Variants in PACS1 observed in about 807,000 individuals in gnomAD.
PACS1 encodes phosphofurin acidic cluster sorting protein 1, also known as PACS-1.
PACS1 carries 24 observed loss-of-function variants against 115.0 expected under a neutral mutation model. That is an observed-to-expected ratio of 0.21 (90% CI 0.15 to 0.29). The LOEUF (loss-of-function observed/expected upper bound fraction) is 0.29, where lower values mean the gene tolerates loss of function less well. PACS1 is among the 10% of genes least tolerant of loss of function. PACS1 has a pLI of 1.00. For synonymous variants in PACS1, 453 were observed against 504.5 expected (o/e 0.90, Z 1.37); for missense variants, 838 against 1,251.2 (o/e 0.67, Z 4.98).
chr11:66,215,944 T>TAATAAC (rs1173651293), intron 4 of PACS1, among the ~76,000 whole-genome samples, 175 bp from the exon 5 acceptor site: 5 of 142,566 alleles, frequency 3.5e-5, no homozygotes, highest in African/African-American at 1.4e-4. Context: ...ATAATAATAA[T>TAATAAC]AATAATAAAC....
At chr11:66,109,462 C>T (rs1322457141) in intron 1 of PACS1, among the ~76,000 whole-genome samples, 1 of 152,144 alleles carries the variant, frequency 6.6e-6, no homozygotes, top group Non-Finnish European at 1.5e-5. Context: ...GAAGTGTGTG[C>T]ATAGTTTACC....
chr11:66,168,495 A>G lies in PACS1; in HGVS notation c.357-24991A>G, dbSNP rs1055536229. 6.6e-5 allele frequency among the ~76,000 whole-genome samples: 10 copies of G among 150,418 alleles called. 1 individual carries two copies. Among genetic ancestry groups the G allele is most frequent in the African/African-American group, 2.5e-4 (10 of 39,750 alleles). ...CTTCGGAACCAGGCTGCCTGGTTTC[A>G]GTCCTCACTTAGCTGCTTACGGTGT... On this transcript the variant is annotated intron_variant, in intron 1 of 23. Transcript: ENST00000320580.
Position 66,235,843 on chromosome 11 carries a change from G to T in PACS1, c.2208-55G>T. ...TGAGATAGGAAAGGCCAATTCCCCA[G>T]CACTCCTCCCTGTCTCTCCTACTAA... On this transcript the variant is annotated intron_variant, in intron 18 of 23. Transcript: ENST00000320580. The surrounding 1 kb of genome is among the most constrained non-coding windows in gnomAD (Gnocchi z 5.6). 6.8e-7 allele frequency: 1 copy of T among 1,471,472 alleles called. No individual in the cohort carries two copies. Among genetic ancestry groups the T allele is most frequent in the South Asian group, 1.1e-5 (1 of 88,230 alleles). The allele number at this position is 1,471,472 out of a possible 1,614,324, so 91.2% of individuals were successfully genotyped here.
At chr11:66,096,458 A>G (rs1436218692) in intron 1 of PACS1, among the ~76,000 whole-genome samples, 2 of 151,354 alleles carry the variant, frequency 1.3e-5, no homozygotes, top group African/African-American at 4.9e-5. Flanking sequence ...ATGGACATAT[A>G]GGTTCTTTAC....
At chr11:66,241,993 G>A (rs1461509088) in intron 22 of PACS1, among the ~76,000 whole-genome samples, 1 of 152,228 alleles carries the variant, frequency 6.6e-6, no homozygotes, top group African/African-American at 2.4e-5. Flanking sequence ...CTATATCACA[G>A]CTCCAGGTCC....
chr11:66,227,519 C>G lies in PACS1; in HGVS notation c.1309C>G (p.Leu437Val). Residue 437 changes from leucine (L) to valine (V), a missense_variant, in exon 11 of 24, where the codon CTA (leucine) becomes GTA (valine). Transcript: ENST00000320580. The part of the protein sequence containing the change: ...DTTSPMELAA[L>V]EKIKSTWIKN... ...ATTTTTGCAGATGGAATTGGCTGCTCTAGAAAAAATTAAATCTACTTGGAT... is the reference window on the plus strand; with the variant it reads ...ATTTTTGCAGATGGAATTGGCTGCTGTAGAAAAAATTAAATCTACTTGGAT... 6.2e-7 allele frequency: 1 copy of G among 1,605,866 alleles called. No homozygotes were observed. The highest frequency in any genetic ancestry group is 8.5e-7 in the Non-Finnish European group (1 of 1,173,688).
Position 66,236,001 on chromosome 11 carries a change from T to C in PACS1, c.2250+61T>C, listed in dbSNP as rs1466408640. 6.9e-7 allele frequency: 1 copy of C among 1,446,380 alleles called. No homozygotes were observed. The highest frequency in any genetic ancestry group is 9.7e-7 in the Non-Finnish European group (1 of 1,026,938). The allele number at this position is 1,446,380 out of a possible 1,614,324, so 89.6% of individuals were successfully genotyped here. ...GTTCTCCTGGTCTTCCTGTTCCCCC[T>C]TACACAGGAAAACAAAAGATTCATC... On this transcript the variant is annotated intron_variant, in intron 19 of 23. Transcript: ENST00000320580. The surrounding 1 kb of genome is among the most constrained non-coding windows in gnomAD (Gnocchi z 4.2).
intron 1 of PACS1, among the ~76,000 whole-genome samples, chr11:66,086,162 G>T (rs1476340815): frequency 2.7e-5 from 4 of 146,752 alleles, no homozygotes; most frequent in African/African-American, 5.1e-5. Flanking sequence ...TTTTGAGACG[G>T]AGTCTCGCTC....
rs377260681 is a variant in PACS1, at chr11:66,243,159, C to A, written c.2777-6C>A. The A allele has an allele frequency of 6.2e-7, 1 of 1,613,058 alleles. No homozygotes were observed. Among genetic ancestry groups the A allele is most frequent in the South Asian group, 1.1e-5 (1 of 91,010 alleles). ...CTGGTCACCCCTCCTCTCCTGTCAC[C>A]CCTAGTGTCCATCGATGGGGTCGAG... On this transcript the variant is annotated splice_region_variant and splice_polypyrimidine_tract_variant and intron_variant, in intron 23 of 23. Coordinates refer to ENST00000320580, the MANE Select transcript of PACS1 (RefSeq NM_018026.4).
chr11:66,071,150 T>TA (rs1857303281), intron 1 of PACS1, among the ~76,000 whole-genome samples: 1 of 152,096 alleles, frequency 6.6e-6, no homozygotes, highest in Non-Finnish European at 1.5e-5. Context: ...TTTCCCTGAG[T>TA]AAGTCACTCT....
At chr11:66,071,242 C>T (rs1166251534) in intron 1 of PACS1, among the ~76,000 whole-genome samples, 6 of 152,194 alleles carry the variant, frequency 3.9e-5, no homozygotes, top group Non-Finnish European at 8.8e-5. Context: ...ATAGACTCAG[C>T]ATGTGCCAAA....
intron 1 of PACS1, among the ~76,000 whole-genome samples, chr11:66,072,500 A>C (rs1857325941): frequency 6.6e-6 from 1 of 151,976 alleles, no homozygotes; most frequent in Non-Finnish European, 1.5e-5. Flanking sequence ...GTGTTTCCAC[A>C]TCACTTAACA....
At chr11:66,134,095 C>A (rs770552674) in intron 1 of PACS1, among the ~76,000 whole-genome samples, 1 of 151,948 alleles carries the variant, frequency 6.6e-6, no homozygotes, top group Non-Finnish European at 1.5e-5. Context: ...GTTCCAGGTT[C>A]CTCTCTGTGC....
At chr11:66,195,140 G>A (rs936024275) in intron 2 of PACS1, among the ~76,000 whole-genome samples, 3 of 152,270 alleles carry the variant, frequency 2.0e-5, no homozygotes, top group Non-Finnish European at 4.4e-5. Context: ...CTTGAGCCTG[G>A]GAGGGAGAGG....
intron 1 of PACS1, among the ~76,000 whole-genome samples, chr11:66,159,684 T>C (rs116468173): frequency 6.6e-6 from 1 of 152,246 alleles, no homozygotes; most frequent in African/African-American, 2.4e-5. Context: ...AATCCACCCT[T>C]ATGAGACTGA....
chr11:66,224,935 A>G (rs1179289272), intron 10 of PACS1, among the ~76,000 whole-genome samples: 2 of 152,198 alleles, frequency 1.3e-5, no homozygotes, highest in Non-Finnish European at 2.9e-5. Flanking sequence ...GATTCAGTTT[A>G]TCGCTAGAAC....
intron 1 of PACS1, among the ~76,000 whole-genome samples, chr11:66,090,851 T>G (rs543549989): frequency 5.9e-5 from 9 of 152,306 alleles, no homozygotes; most frequent in South Asian, 4.1e-4. Flanking sequence ...ACCCTGACTT[T>G]CCAGCCAATG....
chr11:66,126,654 A>G (rs1352883131), intron 1 of PACS1, among the ~76,000 whole-genome samples: 2 of 129,046 alleles, frequency 1.5e-5, no homozygotes, highest in Non-Finnish European at 3.2e-5. Context: ...AATTTTGAGA[A>G]TTGTTAATTT....
intron 1 of PACS1, among the ~76,000 whole-genome samples, chr11:66,153,779 AAAAC>A (rs773127017): frequency 7.2e-4 from 110 of 152,242 alleles, no homozygotes; most frequent in East Asian, 3.7e-3. Flanking sequence ...AGACTGTCTC[AAAAC>A]AAACAAACAA....
Sources: allele counts gnomAD v4.1 joint callset (sites outside exome capture counted in the v4.1 genomes callset), GRCh38; gene constraint gnomAD v4.1.1; non-coding constraint Gnocchi (gnomAD v3.1); transcripts MANE v1.5; gene names NCBI Gene and HGNC (gene_info 2026-07-23, HGNC 2026-07-21).